The following LDB1 variants were observed in gnomAD, a reference collection of about 807,000 sequenced individuals.
LDB1 encodes the protein LIM domain binding 1, also known as LIM domain-binding protein 1.
A neutral mutation model predicts 49.7 loss-of-function variants in LDB1; 6 were observed. The observed-to-expected ratio is 0.12, with a 90% confidence interval of 0.07 to 0.24. The LOEUF is 0.24. LDB1 is among the 10% of genes least tolerant of loss of function. The probability of loss-of-function intolerance (pLI) is 1.00; values close to 1 mark genes in which losing one functional copy is unlikely to be tolerated. For missense variants in LDB1, 341 were observed against 561.7 expected (o/e 0.61, Z 3.97); for synonymous variants, 233 against 202.0 (o/e 1.15, Z -1.30).
At chr10:102,114,998 A>G (rs2068317046) in intron 1 of LDB1, 2 of 297,914 alleles carry the variant, frequency 6.7e-6, no homozygotes, top group Non-Finnish European at 9.9e-6. Flanking sequence ...AGCCTCTCTC[A>G]GAATGAGGCC....
chr10:102,111,243 G>A lies in LDB1; in HGVS notation c.173+13C>T. 1 of 1,614,058 alleles carries A rather than the reference G, an allele frequency of 6.2e-7. No homozygotes were observed. On this transcript the variant is annotated intron_variant, in intron 3 of 10. Coordinates refer to ENST00000673968, the MANE Select transcript of LDB1 (RefSeq NM_001113407.3). ...AGTGGAAAGCACCTTCTTCCCCACT[G>A]GACTCCACTTACCCAATCCCTGGCT...
intron 1 of LDB1, among the ~76,000 whole-genome samples, chr10:102,112,561 C>A (rs923701573): frequency 6.6e-6 from 1 of 152,192 alleles, no homozygotes; most frequent in East Asian, 1.9e-4. Flanking sequence ...GGCCTTCTGC[C>A]TCCCCACTAA....
At position 102,107,854 on chromosome 10, in the gene LDB1, T is replaced by C. The variant is rs2068187471; in HGVS notation, c.*239A>G. The C allele has an allele frequency of 5.2e-6, 3 of 572,944 alleles. No individual in the cohort carries two copies. Among genetic ancestry groups the C allele is most frequent in the Non-Finnish European group, 9.4e-6 (3 of 320,372 alleles). The allele number at this position is 572,944 out of a possible 1,614,324, so 35.5% of individuals were successfully genotyped here. A position where few individuals can be genotyped will look rare whatever the true frequency, so the allele number is the denominator to read the frequency against. ...ATGTCTCAGAGGCCCAGGTTCCAAG[T>C]AGGCATCCACATGAGTACCCCCTCC... On this transcript the variant is annotated 3_prime_UTR_variant, in exon 11 of 11. Coordinates refer to ENST00000673968, the MANE Select transcript of LDB1 (RefSeq NM_001113407.3).
downstream of LDB1, among the ~76,000 whole-genome samples, chr10:102,104,522 C>G (rs1434011792): frequency 1.3e-5 from 2 of 152,102 alleles, no homozygotes; most frequent in Non-Finnish European, 2.9e-5. Flanking sequence ...TCTCTCTCTT[C>G]CCTCACCCCA....
downstream of LDB1, among the ~76,000 whole-genome samples, chr10:102,105,989 C>A (rs896237744): frequency 3.3e-5 from 5 of 151,706 alleles, no homozygotes; most frequent in Admixed American, 3.3e-4. Context: ...AATAAATAAA[C>A]CAACTAACCA....
chr10:102,108,391 C>A lies in LDB1; in HGVS notation c.1006-68G>T. 3.3e-6 allele frequency: 4 copies of A among 1,211,448 alleles called. No homozygotes were observed. The South Asian group carries it at 3.9e-5, about 12-fold the overall frequency. 75.0% of individuals were successfully genotyped at this position (1,211,448 alleles called of 1,614,324 possible). On this transcript the variant is annotated intron_variant, in intron 10 of 10. Coordinates refer to ENST00000673968, the MANE Select transcript of LDB1 (RefSeq NM_001113407.3). ...TCGCCCGGCCCAGGGCGGCAGATAC[C>A]CCCAGAGCCCCAGTACCCACCCTGG... is the stretch of plus-strand genomic sequence containing the variant.
At position 102,107,540 on chromosome 10, in the gene LDB1, A is replaced by T. The variant is rs1235652567; in HGVS notation, c.*553T>A. On this transcript the variant is annotated 3_prime_UTR_variant, in exon 11 of 11. Transcript: ENST00000673968. Reference sequence around the variant, plus strand: ...GGTAGCTGGACTTTTAATAGGGGGAAGAGGGGGGGACATGAGTGATTTTTT... The same window carrying T: ...GGTAGCTGGACTTTTAATAGGGGGATGAGGGGGGGACATGAGTGATTTTTT... The T allele has an allele frequency of 6.5e-6, 1 of 153,438 alleles. No individual in the cohort carries two copies. The highest frequency in any genetic ancestry group is 1.4e-5 in the Non-Finnish European group (1 of 68,972). The allele number at this position is 153,438 out of a possible 1,614,324, so 9.5% of individuals were successfully genotyped here.
In LDB1 at chr10:102,111,138, G is replaced by C; in HGVS notation, c.180C>G (p.His60Gln). Residue 60 changes from histidine to glutamine, a missense_variant, in exon 4 of 11, where the codon CAC becomes CAG. This residue lies in a region of LDB1 where 233 missense variants were observed against 385.7 expected (regional missense o/e 0.60). Transcript: ENST00000673968. The stretch of plus-strand genomic sequence containing the variant: ...AGTCAGTTTGGTTGCCATATGGTGT[G>C]TGCCTCCTGGAGGAAGTGAAGGAGA... The part of the protein sequence containing the change: ...PTYLEPGIGR[H>Q]TPYGNQTDYR... 6.2e-7 allele frequency: 1 copy of C among 1,614,098 alleles called. No homozygotes were observed. The highest frequency in any genetic ancestry group is 1.3e-5 in the African/African-American group (1 of 75,030).
intron 1 of LDB1, chr10:102,114,812 G>GGGCGGCCCCC: frequency 2.2e-6 from 2 of 929,816 alleles, no homozygotes; most frequent in South Asian, 5.0e-5. Context: ...CCTCCGAGCA[G>GGGCGGCCCCC]CCCGCCCGCC....
At position 102,107,405 on chromosome 10, in the gene LDB1, A is replaced by T. The variant is rs572781710; in HGVS notation, c.*688T>A. On this transcript the variant is annotated 3_prime_UTR_variant, in exon 11 of 11. Coordinates refer to ENST00000673968, the MANE Select transcript of LDB1 (RefSeq NM_001113407.3). The stretch of plus-strand genomic sequence containing the variant: ...CAGAGGAAAGGGGGAGAGATGGTGA[A>T]ATGTCTCCTTGGTCTGAAGCTCTCA... Among the ~76,000 whole-genome samples the T allele has an allele frequency of 1.3e-5, 2 of 152,020 alleles. No homozygotes were observed. Among genetic ancestry groups the T allele is most frequent in the South Asian group, 4.2e-4 (2 of 4,800 alleles).
intron 1 of LDB1, among the ~76,000 whole-genome samples, chr10:102,119,661 G>T (rs1439998077): frequency 1.3e-5 from 2 of 149,026 alleles, no homozygotes; most frequent in Non-Finnish European, 3.0e-5. Flanking sequence ...GCATGGGGGG[G>T]ATGTCACAGG....
downstream of LDB1, among the ~76,000 whole-genome samples, chr10:102,105,582 A>C (rs1486234794): frequency 6.6e-6 from 1 of 151,920 alleles, no homozygotes; most frequent in Non-Finnish European, 1.5e-5. Context: ...CGGGGTCTCC[A>C]TATCTTCCCA....
At chr10:102,118,151 C>T (rs961274924) in intron 1 of LDB1, among the ~76,000 whole-genome samples, 1 of 152,120 alleles carries the variant, frequency 6.6e-6, no homozygotes, top group Non-Finnish European at 1.5e-5. Context: ...AGCATGTGCT[C>T]CCCCATCCAA....
rs1252981436 is a variant in LDB1, at chr10:102,109,701, A to C, written c.649-18T>G. 6.2e-7 allele frequency: 1 copy of C among 1,611,946 alleles called. No homozygotes were observed. The highest frequency in any genetic ancestry group is 1.7e-5 in the Admixed American group (1 of 60,020). ...TCTTGGGCCTAGAGTGGGAGAAAAG[A>C]CAAGAAAGAACACTGACACCTGGGT... On this transcript the variant is annotated intron_variant, in intron 7 of 10. Transcript: ENST00000673968. The surrounding 1 kb of genome is among the most constrained non-coding windows in gnomAD (Gnocchi z 5.8).
chr10:102,109,209 A>G lies in LDB1; in HGVS notation c.857-32T>C, dbSNP rs2068214057. The G allele has an allele frequency of 6.2e-7, 1 of 1,612,214 alleles. No homozygotes were observed. Among genetic ancestry groups the G allele is most frequent in the African/African-American group, 1.3e-5 (1 of 74,932 alleles). On this transcript the variant is annotated intron_variant, in intron 9 of 10. Coordinates refer to ENST00000673968, the MANE Select transcript of LDB1 (RefSeq NM_001113407.3). The surrounding 1 kb of genome is among the most constrained non-coding windows in gnomAD (Gnocchi z 5.8). ...CGGTAAACGGAGACTCAGATGGGAG[A>G]GGGCCCCAGGTCCCCTATTCTCCAT...
At chr10:102,119,174 G>A (rs76904484) in intron 1 of LDB1, among the ~76,000 whole-genome samples, 1,865 of 152,260 alleles carry the variant, frequency 0.012, 16 homozygotes, top group Middle Eastern at 0.041. Flanking sequence ...GGGCAGGAGG[G>A]CCAATTCCAG....
rs981807248 is a variant in LDB1, at chr10:102,109,894, G to A, written c.648+27C>T. ...CCTTCCCCCGCCTGCCTTCACTCTT[G>A]CATCCTGGGTCCTGCCCACGACTCA... On this transcript the variant is annotated intron_variant, in intron 7 of 10. Coordinates refer to ENST00000673968, the MANE Select transcript of LDB1 (RefSeq NM_001113407.3). The surrounding 1 kb of genome is among the most constrained non-coding windows in gnomAD (Gnocchi z 5.8). The A allele has an allele frequency of 5.0e-6, 8 of 1,602,012 alleles. No individual in the cohort carries two copies. The highest frequency in any genetic ancestry group is 6.8e-6 in the Non-Finnish European group (8 of 1,175,494).
At chr10:102,119,718 C>T (rs1215603412) in intron 1 of LDB1, among the ~76,000 whole-genome samples, 2 of 147,424 alleles carry the variant, frequency 1.4e-5, no homozygotes, top group East Asian at 2.0e-4. Flanking sequence ...CAGCCCAAAC[C>T]AGCCAATCAC....
chr10:102,111,026 C>A, intron 4 of LDB1, 43 bp downstream of exon 4: 1 of 1,612,030 alleles, frequency 6.2e-7, no homozygotes, highest in South Asian at 1.1e-5. Flanking sequence ...ATAGGGTGCC[C>A]AGATGGCCCT....
Sources: gnomAD v4.1 joint callset for allele counts (sites outside exome capture counted in the v4.1 genomes callset) on GRCh38, gnomAD v4.1.1 for gene constraint, gnomAD v4.1.1 regional missense constraint, Gnocchi (gnomAD v3.1) non-coding constraint, MANE v1.5 for transcripts, NCBI Gene and HGNC (gene_info 2026-07-23, HGNC 2026-07-21) for gene names.